Variants in WWOX observed in about 807,000 individuals in gnomAD.
WWOX encodes the protein WW domain containing oxidoreductase.
WWOX carries 69 observed loss-of-function variants against 46.2 expected under a neutral mutation model. That is an observed-to-expected ratio of 1.49 (90% CI 1.23 to 1.82). WWOX has a LOEUF of 1.82. WWOX is among the 40% of genes most tolerant of loss of function. The pLI, the probability that WWOX is intolerant of heterozygous loss-of-function variation, is 0.00. For synonymous variants in WWOX, 359 were observed against 202.6 expected, an observed-to-expected ratio of 1.77 and a Z score of -6.56; for missense variants, 919 against 542.6, an observed-to-expected ratio of 1.69 and a Z score of -6.89.
At chr16:78,612,095 T>A (rs2045914522) in intron 8 of WWOX, among the ~76,000 whole-genome samples, 1 of 152,134 alleles carries the variant, frequency 6.6e-6, no homozygotes, top group Admixed American at 6.5e-5. Flanking sequence ...GTTGGTAGAT[T>A]GAGATGGAAA....
chr16:78,186,142 A>T (rs374952807), intron 5 of WWOX, among the ~76,000 whole-genome samples: 2 of 152,320 alleles, frequency 1.3e-5, no homozygotes, highest in African/African-American at 4.8e-5. Flanking sequence ...AAAAATCTTA[A>T]TTAACATTTT....
intron 4 of WWOX, among the ~76,000 whole-genome samples, chr16:78,149,642 G>A (rs936990004): frequency 6.6e-6 from 1 of 152,158 alleles, no homozygotes; most frequent in Non-Finnish European, 1.5e-5. Context: ...CCCTCTTTCC[G>A]GACAGCTGCT....
At chr16:78,756,022 G>C (rs965167969) in intron 8 of WWOX, among the ~76,000 whole-genome samples, 2 of 152,136 alleles carry the variant, frequency 1.3e-5, no homozygotes, top group Non-Finnish European at 2.9e-5. Flanking sequence ...TGGAGACAAG[G>C]CCTCATGTAT....
At chr16:78,988,834 T>C (rs1238150073) in intron 8 of WWOX, among the ~76,000 whole-genome samples, 2 of 152,148 alleles carry the variant, frequency 1.3e-5, no homozygotes, top group South Asian at 4.2e-4. Flanking sequence ...TGTGCATCCC[T>C]GGGGCCAGCA....
intron 8 of WWOX, chr16:79,205,128 C>T (rs1427284363): frequency 3.3e-5 from 5 of 152,188 alleles, no homozygotes; most frequent in Non-Finnish European, 7.3e-5. Flanking sequence ...CCTGTGAGCA[C>T]GTGCCTGTCA....
At chr16:78,841,798 T>A (rs2052158576) in intron 8 of WWOX, among the ~76,000 whole-genome samples, 1 of 152,210 alleles carries the variant, frequency 6.6e-6, no homozygotes, top group South Asian at 2.1e-4. Context: ...TTATGACATA[T>A]TACTTTTGCT....
chr16:78,532,822 C>T (rs1001785733), intron 8 of WWOX, among the ~76,000 whole-genome samples: 3 of 152,146 alleles, frequency 2.0e-5, no homozygotes, highest in African/African-American at 7.2e-5. Context: ...AGTTACCTCC[C>T]ACCTGGTCCC....
chr16:79,068,434 C>G (rs1271857594), intron 8 of WWOX, among the ~76,000 whole-genome samples: 1 of 152,076 alleles, frequency 6.6e-6, no homozygotes, highest in African/African-American at 2.4e-5. Context: ...CTGACACACT[C>G]CTTCCTCCTG....
intron 5 of WWOX, among the ~76,000 whole-genome samples, chr16:78,213,216 A>G (rs1353748284): frequency 7.0e-6 from 1 of 142,714 alleles, no homozygotes; most frequent in Non-Finnish European, 1.5e-5. Flanking sequence ...ATGCCACTGT[A>G]CTCTAGCCTG....
chr16:78,198,434 C>A (rs1251534923), intron 5 of WWOX, among the ~76,000 whole-genome samples: 1 of 152,158 alleles, frequency 6.6e-6, no homozygotes, highest in African/African-American at 2.4e-5. Flanking sequence ...GGCCTCTCAC[C>A]CTTCCCTTCA....
chr16:79,042,306 C>G (rs1207631295), intron 8 of WWOX, among the ~76,000 whole-genome samples: 2 of 152,148 alleles, frequency 1.3e-5, no homozygotes, highest in Admixed American at 1.3e-4. Context: ...GAAACATGCA[C>G]CTTCCCTGAC....
At chr16:79,038,844 C>G (rs990101499) in intron 8 of WWOX, among the ~76,000 whole-genome samples, 2 of 152,050 alleles carry the variant, frequency 1.3e-5, no homozygotes, top group Non-Finnish European at 2.9e-5. Context: ...GCCACTGTGC[C>G]CAGCCTAGAA....
intron 8 of WWOX, among the ~76,000 whole-genome samples, chr16:78,609,538 C>A (rs562977200): frequency 1.5e-4 from 22 of 145,376 alleles, no homozygotes; most frequent in Non-Finnish European, 1.5e-5. Flanking sequence ...TTCTTTCTTT[C>A]TTTTCTTTTT....
In WWOX at chr16:78,343,368, T is replaced by A. The variant is rs373963743; in HGVS notation, c.517-43492T>A. Among the ~76,000 whole-genome samples, 17 of 121,440 alleles carry A rather than the reference T, an allele frequency of 1.4e-4. 1 individual carries two copies. The highest frequency in any genetic ancestry group is 8.8e-4 in the Admixed American group (11 of 12,486). The allele number at this position is 121,440 out of a possible 152,430, so 79.7% of individuals were successfully genotyped here. A position where few individuals can be genotyped will look rare whatever the true frequency, so the allele number is the denominator to read the frequency against. ...CATTAAACGGTCAGTGCACAGGTCC[T>A]CATTTTTCTCATGCTTCCATTTCCA... On this transcript the variant is annotated intron_variant, in intron 5 of 8. Transcript: ENST00000566780.
intron 8 of WWOX, chr16:78,550,607 C>A (rs1050597707): frequency 3.3e-5 from 5 of 152,116 alleles, no homozygotes; most frequent in South Asian, 2.1e-4. Flanking sequence ...TTTGAATTTT[C>A]ATTTTTGTCT....
intron 8 of WWOX, among the ~76,000 whole-genome samples, chr16:78,616,817 G>A (rs1343768445): frequency 2.0e-5 from 3 of 152,034 alleles, no homozygotes; most frequent in Admixed American, 1.3e-4. Context: ...TACTCAGGAA[G>A]CCTTCACTCT....
intron 5 of WWOX, among the ~76,000 whole-genome samples, chr16:78,365,648 C>G (rs1049016867): frequency 6.6e-6 from 1 of 152,212 alleles, no homozygotes; most frequent in Admixed American, 6.5e-5. Context: ...CACCTTGTAT[C>G]TACTGCTGTC....
intron 8 of WWOX, among the ~76,000 whole-genome samples, chr16:78,547,330 T>C (rs1330380382): frequency 1.3e-5 from 2 of 152,024 alleles, no homozygotes; most frequent in Non-Finnish European, 2.9e-5. Context: ...ATCCCCAATT[T>C]ACAGATGAAA....
At chr16:78,792,490 A>G (rs907191627) in intron 8 of WWOX, among the ~76,000 whole-genome samples, 1 of 152,186 alleles carries the variant, frequency 6.6e-6, no homozygotes, top group Non-Finnish European at 1.5e-5. Flanking sequence ...CCACTTACAG[A>G]CTGAAAAGGT....
Sources: gnomAD v4.1 joint callset for allele counts (sites outside exome capture counted in the v4.1 genomes callset) on GRCh38, gnomAD v4.1.1 for gene constraint, MANE v1.5 for transcripts, NCBI Gene and HGNC (gene_info 2026-07-23, HGNC 2026-07-21) for gene names.